Variants in OXNAD1 observed in about 807,000 individuals in gnomAD.
The protein encoded by OXNAD1 is oxidoreductase NAD-binding domain-containing protein 1.
In OXNAD1, 34 loss-of-function variants were observed where a neutral mutation model predicts 32.9. The observed-to-expected ratio is 1.03, with a 90% CI of 0.79 to 1.38. The LOEUF is 1.38. OXNAD1 is among the 40% of genes most tolerant of loss of function. The pLI, the probability that OXNAD1 is intolerant of heterozygous loss-of-function variation, is 0.00. For missense variants in OXNAD1, 407 were observed against 379.4 expected, an observed-to-expected ratio of 1.07 and a Z score of -0.60; for synonymous variants, 134 against 135.2, an observed-to-expected ratio of 0.99 and a Z score of 0.06.
rs1395986826 is a variant in OXNAD1 at position 16,288,078 on chromosome 3, A to G, written c.290+1630A>G. On this transcript the variant is annotated intron_variant, in intron 5 of 8. Coordinates refer to ENST00000285083, the MANE Select transcript of OXNAD1 (RefSeq NM_138381.5). This position sits in a 1 kb window ranked among gnomAD's most constrained non-coding sequence, Gnocchi z 5.1. Reference sequence around the variant, plus strand: ...ACCCTTACCATTGATTTATGGTTCTAGGGGTTGTGAGTTCCTTTTGATATT... The same window carrying G: ...ACCCTTACCATTGATTTATGGTTCTGGGGGTTGTGAGTTCCTTTTGATATT... 6.6e-6 allele frequency among the ~76,000 whole-genome samples: 1 copy of G among 152,034 alleles called. No homozygotes were observed. The highest frequency in any genetic ancestry group is 6.5e-5 in the Admixed American group (1 of 15,268).
downstream of OXNAD1, among the ~76,000 whole-genome samples, chr3:16,338,190 C>T (rs1016954675): frequency 1.5e-4 from 23 of 152,166 alleles, no homozygotes; most frequent in African/African-American, 4.3e-4. This position sits in a 1 kb window ranked among gnomAD's most constrained non-coding sequence, Gnocchi z 5.3. Flanking sequence ...AAAGGGGCTA[C>T]GGGATGGAAG....
chr3:16,323,602 C>G (rs927303554), intron 9 of OXNAD1: 1 of 573,260 alleles, frequency 1.7e-6, no homozygotes, highest in South Asian at 2.4e-5. Context: ...TCTACTCTTC[C>G]GCTCCCAGGC....
chr3:16,345,694 C>T lies in OXNAD1; in HGVS notation c.*31-3482C>T, dbSNP rs1458255513. ...CTAGCTCTCAGGCCTCTGAACCATACCACTGGCTTTCCTGGGTCTCCAGCT... is the reference window on the plus strand; with the variant it reads ...CTAGCTCTCAGGCCTCTGAACCATATCACTGGCTTTCCTGGGTCTCCAGCT... On this transcript the variant is annotated intron_variant, in intron 9 of 9. Transcript: ENST00000606098. The surrounding 1 kb of genome is among the most constrained non-coding windows in gnomAD (Gnocchi z 5.2). Among the ~76,000 whole-genome samples the T allele has an allele frequency of 1.3e-5, 2 of 152,070 alleles. No homozygotes were observed. Among genetic ancestry groups the T allele is most frequent in the African/African-American group, 2.4e-5 (1 of 41,378 alleles).
Position 16,288,601 on chromosome 3 carries a change from C to T in OXNAD1, c.290+2153C>T, listed in dbSNP as rs780742732. On this transcript the variant is annotated intron_variant, in intron 5 of 8. Coordinates refer to ENST00000285083, the MANE Select transcript of OXNAD1 (RefSeq NM_138381.5). This position sits in a 1 kb window ranked among gnomAD's most constrained non-coding sequence, Gnocchi z 5.1. Reference sequence around the variant, plus strand: ...TACACTGTATTCTTACTGGGCCTTGCAGAGAGGGCTGGTTCCTGTAGCAAT... The same window carrying T: ...TACACTGTATTCTTACTGGGCCTTGTAGAGAGGGCTGGTTCCTGTAGCAAT... 1.4e-4 allele frequency among the ~76,000 whole-genome samples: 22 copies of T among 152,176 alleles called. No individual in the cohort carries two copies. The highest frequency in any genetic ancestry group is 2.5e-4 in the Non-Finnish European group (17 of 68,036).
At chr3:16,294,264 G>A (rs753463055) in intron 5 of OXNAD1, among the ~76,000 whole-genome samples, 16 of 151,298 alleles carry the variant, frequency 1.1e-4, no homozygotes, top group Non-Finnish European at 1.8e-4. Context: ...GTGCAGTGGC[G>A]CAATCTTGGC....
chr3:16,269,000 G>T, intron 1 of OXNAD1, 126 bp from the exon 2 acceptor site: 3 of 713,476 alleles, frequency 4.2e-6, no homozygotes, highest in Non-Finnish European at 5.9e-6. Context: ...GGGGGTAATT[G>T]AGAGTGGGCT....
intron 1 of OXNAD1, among the ~76,000 whole-genome samples, chr3:16,266,330 G>T (rs112234887): frequency 0.029 from 4,449 of 152,182 alleles, 102 homozygotes; most frequent in Middle Eastern, 0.082. Flanking sequence ...GTGCACTTTT[G>T]AAGAAAACAT....
chr3:16,278,047 A>T (rs9830393), intron 4 of OXNAD1, among the ~76,000 whole-genome samples: 9 of 152,074 alleles, frequency 5.9e-5, no homozygotes, highest in Admixed American at 6.5e-5. Flanking sequence ...CCTACTGAGC[A>T]ATATATGCTC....
Position 16,326,413 on chromosome 3 carries a change from CTG to C in OXNAD1, c.*31-10698_*31-10697del, listed in dbSNP as rs767688797. Reference sequence around the variant, plus strand: ...AGTATTTTTCTTTTCTTTTTGAGGACTGAGATTTTTATATATAAAGTGCCTAC... The same window carrying C: ...AGTATTTTTCTTTTCTTTTTGAGGACAGATTTTTATATATAAAGTGCCTAC... On this transcript the variant is annotated intron_variant, in intron 9 of 9. Coordinates refer to the OXNAD1 transcript ENST00000435829. 7.9e-5 allele frequency among the ~76,000 whole-genome samples: 12 copies of C among 152,270 alleles called. 2 individuals carry two copies. Among genetic ancestry groups the C allele is most frequent in the East Asian group, 1.9e-4 (1 of 5,182 alleles).
In OXNAD1 at chr3:16,301,629, A is replaced by G. The variant is rs745362226; in HGVS notation, c.436A>G (p.Thr146Ala). 3.1e-6 allele frequency: 5 copies of G among 1,613,958 alleles called. No individual in the cohort carries two copies. The South Asian group carries it at 5.5e-5, about 18-fold the overall frequency. Residue 146 changes from threonine to alanine, a missense_variant, in exon 7 of 9, where the codon ACA becomes GCA. Thr to Ala is a moderately conservative substitution (Grantham distance 58). Coordinates refer to ENST00000285083, the MANE Select transcript of OXNAD1 (RefSeq NM_138381.5). This position sits in a 1 kb window ranked among gnomAD's most constrained non-coding sequence, Gnocchi z 4.1. ...PPALWVHNTC[T>A]LDCEVAVRVG... is the part of the protein sequence containing the mutation. Reference sequence around the variant, plus strand: ...GGTCTTTTCTTTCCTGCCTTAGTGTACACTTGACTGTGAAGTGGCTGTGAG... The same window carrying G: ...GGTCTTTTCTTTCCTGCCTTAGTGTGCACTTGACTGTGAAGTGGCTGTGAG...
At chr3:16,338,113 C>T (rs1179094236), downstream of OXNAD1, among the ~76,000 whole-genome samples, 3 of 152,232 alleles carry the variant, frequency 2.0e-5, no homozygotes, top group East Asian at 1.9e-4. This position sits in a 1 kb window ranked among gnomAD's most constrained non-coding sequence, Gnocchi z 5.3. Flanking sequence ...TTCTGGGACA[C>T]GCTGGGTGAT....
At chr3:16,272,552 A>G (rs191506906) in intron 4 of OXNAD1, among the ~76,000 whole-genome samples, 5 of 152,210 alleles carry the variant, frequency 3.3e-5, no homozygotes, top group Non-Finnish European at 5.9e-5. Flanking sequence ...TTTAATGTAA[A>G]GGCATATTGT....
At position 16,269,145 on chromosome 3, in the gene OXNAD1, A is replaced by C; in HGVS notation, c.-139A>C. ...TTGCAGGAACTTTGTGAGAATTTTA[A>C]TGCATGGAAAAGCTGTCCATGTTCC... is the stretch of plus-strand genomic sequence containing the variant. On this transcript the variant is annotated 5_prime_UTR_variant, in exon 2 of 9. The change abolishes an upstream ATG in the 5' untranslated region. Transcript: ENST00000285083. The C allele has an allele frequency of 6.7e-7, 1 of 1,489,972 alleles. No homozygotes were observed. The highest frequency in any genetic ancestry group is 8.9e-7 in the Non-Finnish European group (1 of 1,127,642). The allele number at this position is 1,489,972 out of a possible 1,614,324, so 92.3% of individuals were successfully genotyped here. A position where few individuals can be genotyped will look rare whatever the true frequency, so the allele number is the denominator to read the frequency against.
intron 6 of OXNAD1, among the ~76,000 whole-genome samples, chr3:16,300,521 G>A (rs1271671968): frequency 6.6e-6 from 1 of 152,192 alleles, no homozygotes; most frequent in Non-Finnish European, 1.5e-5. Context: ...GAGTTTATTT[G>A]TAAAATGAGC....
At position 16,304,515 on chromosome 3, in the gene OXNAD1, G is replaced by T. The variant is rs866203165; in HGVS notation, c.*953G>T. On this transcript the variant is annotated 3_prime_UTR_variant, in exon 9 of 9. Coordinates refer to ENST00000285083, the MANE Select transcript of OXNAD1 (RefSeq NM_138381.5). This position sits in a 1 kb window ranked among gnomAD's most constrained non-coding sequence, Gnocchi z 4.6. ...TTGCTAAGTCTGAGATTGGGAGGCA[G>T]TCCCCTAGAGTGGATAGAAAGAATG... 1 of 152,188 alleles carries T rather than the reference G, an allele frequency of 6.6e-6. No homozygotes were observed. Among genetic ancestry groups the T allele is most frequent in the African/African-American group, 2.4e-5 (1 of 41,452 alleles). The allele number at this position is 152,188 out of a possible 1,614,324, so 9.4% of individuals were successfully genotyped here. A position where few individuals can be genotyped will look rare whatever the true frequency, so the allele number is the denominator to read the frequency against.
At chr3:16,350,491 ACTT>A (rs2072025954), downstream of OXNAD1, among the ~76,000 whole-genome samples, 1 of 121,180 alleles carries the variant, frequency 8.3e-6, no homozygotes. Flanking sequence ...GAGATGAATC[ACTT>A]TTTTTTTTTT....
chr3:16,318,038 A>G (rs539627369), intron 9 of OXNAD1, among the ~76,000 whole-genome samples: 3 of 152,168 alleles, frequency 2.0e-5, no homozygotes, highest in Non-Finnish European at 2.9e-5. Flanking sequence ...CGGGGGCCCA[A>G]CCTGCAACCA....
In OXNAD1 at chr3:16,327,182, CGAA is replaced by C. The variant is rs1169338795; in HGVS notation, c.*31-9928_*31-9926del. 1.3e-5 allele frequency among the ~76,000 whole-genome samples: 2 copies of C among 152,150 alleles called. No individual in the cohort carries two copies. The highest frequency in any genetic ancestry group is 4.8e-5 in the African/African-American group (2 of 41,428). On this transcript the variant is annotated intron_variant, in intron 9 of 9. Coordinates refer to the OXNAD1 transcript ENST00000435829. The surrounding 1 kb of genome is among the most constrained non-coding windows in gnomAD (Gnocchi z 4.2). ...AATAGCCTCCTGTGAGTTTCACTGA[CGAA>C]GCATAACTGTCTCACCTCTGAGCGG... is the stretch of plus-strand genomic sequence containing the variant.
exon 10 of OXNAD1, chr3:16,349,871 G>C (rs565183019): frequency 5.3e-5 from 8 of 152,222 alleles, no homozygotes; most frequent in South Asian, 2.1e-4. Flanking sequence ...AGCCCAGCAG[G>C]CTGGATATTC....
Sources: gnomAD v4.1 joint callset for allele counts (sites outside exome capture counted in the v4.1 genomes callset) on GRCh38, gnomAD v4.1.1 for gene constraint, Gnocchi (gnomAD v3.1) non-coding constraint, MANE v1.5 for transcripts, NCBI Gene and HGNC (gene_info 2026-07-23, HGNC 2026-07-21) for gene names.